Variants in EYS observed in about 807,000 individuals in gnomAD.
The protein encoded by EYS is EGF-like photoreceptor maintenance factor, also known as protein eyes shut homolog.
Under a neutral mutation model 282.1 loss-of-function variants are expected in EYS, and 250 were observed. That is an observed-to-expected ratio of 0.89 (90% CI 0.80 to 0.98). EYS has a LOEUF of 0.98. Ranked by LOEUF, EYS falls within the 50% of genes least tolerant of loss-of-function variation. The probability of loss-of-function intolerance (pLI) is 0.00; values close to 1 mark genes in which losing one functional copy is unlikely to be tolerated. For missense variants in EYS, 4,016 were observed against 3,709.0 expected (o/e 1.08, Z -2.15); for synonymous variants, 1,355 against 1,282.9 (o/e 1.06, Z -1.20).
At chr6:64,365,850 G>A (rs1156681777) in intron 29 of EYS, among the ~76,000 whole-genome samples, 2 of 151,950 alleles carry the variant, frequency 1.3e-5, no homozygotes, top group Non-Finnish European at 2.9e-5. Flanking sequence ...TTTGGACTGT[G>A]GTTGTACACA....
rs2149914107 is a variant in EYS at position 64,690,552 on chromosome 6, A to G, written c.3444-64307T>C. Among the ~76,000 whole-genome samples, 4 of 152,350 alleles carry G rather than the reference A, an allele frequency of 2.6e-5. No individual in the cohort carries two copies. In the Middle Eastern group the frequency reaches 0.014, roughly 518 times the overall value. ...GCGCTTGTTTATTGCGGCACTATTC[A>G]TGATAGCAAAGACTTGGAATCAACC... is the stretch of plus-strand genomic sequence containing the variant. On this transcript the variant is annotated intron_variant, in intron 22 of 42. Transcript: ENST00000503581.
intron 28 of EYS, among the ~76,000 whole-genome samples, chr6:64,397,499 T>A (rs1773417652): frequency 6.6e-6 from 1 of 151,952 alleles, no homozygotes; most frequent in Admixed American, 6.6e-5. Flanking sequence ...TTATCTATGA[T>A]CATGTCTGTT....
chr6:64,904,939 C>T (rs1767778085), intron 16 of EYS, among the ~76,000 whole-genome samples: 1 of 152,124 alleles, frequency 6.6e-6, no homozygotes, highest in Middle Eastern at 3.2e-3. Context: ...TGGGAGAAAA[C>T]ATAACATGTG....
chr6:64,032,151 G>T (rs930788832), intron 33 of EYS, among the ~76,000 whole-genome samples: 1 of 152,084 alleles, frequency 6.6e-6, no homozygotes, highest in Admixed American at 6.5e-5. Context: ...AAGGTCCGCA[G>T]CTTCACTCCT....
intron 26 of EYS, among the ~76,000 whole-genome samples, chr6:64,480,808 T>C (rs1350375741): frequency 6.6e-6 from 1 of 151,758 alleles, no homozygotes; most frequent in Non-Finnish European, 1.5e-5. Context: ...TGCTGTTACA[T>C]AAATTCTCAA....
At chr6:65,271,358 C>A (rs1287829086) in intron 12 of EYS, among the ~76,000 whole-genome samples, 1 of 151,158 alleles carries the variant, frequency 6.6e-6, no homozygotes, top group Non-Finnish European at 1.5e-5. Flanking sequence ...TCAGCTCACA[C>A]AGTAGGGAAG....
At chr6:63,821,758 A>C (rs746838561) in intron 36 of EYS, 3 of 152,298 alleles carry the variant, frequency 2.0e-5, no homozygotes, top group Non-Finnish European at 4.4e-5. Context: ...TGAAGATGCT[A>C]TGAGATGCCA....
intron 31 of EYS, among the ~76,000 whole-genome samples, chr6:64,112,161 C>A (rs114935661): frequency 0.042 from 6,410 of 152,032 alleles, 393 homozygotes; most frequent in African/African-American, 0.14. Flanking sequence ...TGAGAGAAGG[C>A]AAATTATATA....
Position 64,945,794 on chromosome 6 carries a change from G to C in EYS, c.2380C>G (p.Arg794Gly). The C allele has an allele frequency of 6.5e-7, 1 of 1,548,716 alleles. No individual in the cohort carries two copies. ...GAAAGCTAAAAATATGTTACTCACC[G>C]ATAGCTTTTGTAAAGGTCAGTACAG... The part of the protein sequence containing the change: ...STCTDLYKSY[R>G]CECTSGWTGQ... The change falls in exon 15 of 43, where the codon CGA becomes GGA. Residue 794 changes from arginine to glycine, a missense_variant and splice_region_variant. Coordinates refer to ENST00000503581, the MANE Select transcript of EYS (RefSeq NM_001142800.2).
At chr6:65,118,327 A>G (rs1374568101) in intron 12 of EYS, among the ~76,000 whole-genome samples, 1 of 150,676 alleles carries the variant, frequency 6.6e-6, no homozygotes, top group Non-Finnish European at 1.5e-5. Flanking sequence ...CTTCATTTAG[A>G]AAATGCATCC....
chr6:65,276,022 T>A (rs1768037559), intron 12 of EYS, among the ~76,000 whole-genome samples: 1 of 151,744 alleles, frequency 6.6e-6, no homozygotes, highest in African/African-American at 2.4e-5. Flanking sequence ...CAAGAAAACC[T>A]CATTTCATGG....
intron 22 of EYS, among the ~76,000 whole-genome samples, chr6:64,650,355 C>CA (rs1279098184): frequency 6.6e-6 from 1 of 151,776 alleles, no homozygotes; most frequent in Admixed American, 6.6e-5. Flanking sequence ...AAATACTTAA[C>CA]AAAACCTAGA....
chr6:65,016,834 C>A (rs1772070738), intron 13 of EYS, among the ~76,000 whole-genome samples: 1 of 152,150 alleles, frequency 6.6e-6, no homozygotes, highest in Non-Finnish European at 1.5e-5. Flanking sequence ...TATTCATATA[C>A]TAAAGTTCTA....
intron 4 of EYS, among the ~76,000 whole-genome samples, chr6:65,493,487 C>T (rs1280294763): frequency 6.6e-6 from 1 of 152,140 alleles, no homozygotes; most frequent in Admixed American, 6.5e-5. Flanking sequence ...TCACTTGTAA[C>T]TCTCCATGCC....
intron 2 of EYS, among the ~76,000 whole-genome samples, chr6:65,569,422 GT>G (rs1764402978): frequency 6.6e-6 from 1 of 152,094 alleles, no homozygotes; most frequent in South Asian, 2.1e-4. Context: ...GAAAATAACA[GT>G]TTTTCGAAAA....
chr6:64,733,877 C>T (rs115177275), intron 22 of EYS: 8 of 157,134 alleles, frequency 5.1e-5, no homozygotes, highest in African/African-American at 1.7e-4. Context: ...TCACTCATAT[C>T]CTCCTCATAG....
rs373606895 is a variant in EYS at position 64,073,278 on chromosome 6, CAT to C, written c.6572-6789_6572-6788del. ...AAAGGTCAAAGTGTTTTGCAAATAA[CAT>C]ATGATGGTAGGTGGGAAAGTAGAGG... On this transcript the variant is annotated intron_variant, in intron 32 of 42. Coordinates refer to ENST00000503581, the MANE Select transcript of EYS (RefSeq NM_001142800.2). Among the ~76,000 whole-genome samples the C allele has an allele frequency of 1.3e-4, 19 of 151,890 alleles. 1 individual carries two copies. In the East Asian group the frequency reaches 3.7e-3, roughly 29 times the overall value.
At position 65,177,792 on chromosome 6, in the gene EYS, A is replaced by G. The variant is rs563115762; in HGVS notation, c.2023+118071T>C. On this transcript the variant is annotated intron_variant, in intron 12 of 42. Transcript: ENST00000503581. ...GATATAATTATTTGGAGTCATTTCC[A>G]TGAAGAGTAATTAGTGAGTTTAAAA... Among the ~76,000 whole-genome samples the G allele has an allele frequency of 1.3e-4, 20 of 151,862 alleles. No homozygotes were observed. The East Asian group carries it at 3.5e-3, about 27-fold the overall frequency.
At chr6:64,094,215 T>A (rs1361845340) in intron 31 of EYS, among the ~76,000 whole-genome samples, 1 of 152,212 alleles carries the variant, frequency 6.6e-6, no homozygotes, top group African/African-American at 2.4e-5. Context: ...TCTAAAATTC[T>A]CTTTTTTGGT....
Sources: gnomAD v4.1 joint callset for allele counts (sites outside exome capture counted in the v4.1 genomes callset) on GRCh38, gnomAD v4.1.1 for gene constraint, MANE v1.5 for transcripts, NCBI Gene and HGNC (gene_info 2026-07-23, HGNC 2026-07-21) for gene names.